SEMA4D: variants seen among roughly 807,000 people sequenced by gnomAD.
The protein encoded by SEMA4D is semaphorin 4D, also known as semaphorin-4D.
Under a neutral mutation model 74.8 loss-of-function variants are expected in SEMA4D, and 22 were observed. That is an observed-to-expected ratio of 0.29 (90% CI 0.21 to 0.42). The LOEUF (loss-of-function observed/expected upper bound fraction) is 0.42. Ranked by LOEUF, SEMA4D falls within the 10% of genes least tolerant of loss-of-function variation. SEMA4D has a pLI of 1.00. For synonymous variants in SEMA4D, 445 were observed against 463.7 expected (o/e 0.96, Z 0.52); for missense variants, 937 against 1,118.4 (o/e 0.84, Z 2.31).
intron 13 of SEMA4D, among the ~76,000 whole-genome samples, chr9:89,382,383 G>A (rs561694950): frequency 6.6e-6 from 1 of 152,338 alleles, no homozygotes; most frequent in South Asian, 2.1e-4. Flanking sequence ...GATGAAACAC[G>A]ACCTTCATCC....
At chr9:89,458,861 TACAC>T (rs59149867) in intron 1 of SEMA4D, among the ~76,000 whole-genome samples, 7,996 of 151,888 alleles carry the variant, frequency 0.053, 483 homozygotes, top group East Asian at 0.29. Flanking sequence ...TGGATACACA[TACAC>T]ACAAACACAT....
chr9:89,476,289 T>TA lies in SEMA4D; in HGVS notation c.-309-20337dup, dbSNP rs541216152. ...AGGGCCCACACTGGTTTATAAAACA[T>TA]AGCATGCCACGGGGCCCGTGCACTG... On this transcript the variant is annotated intron_variant, in intron 1 of 15. Transcript: ENST00000422704. 9.7e-4 allele frequency among the ~76,000 whole-genome samples: 147 copies of TA among 152,300 alleles called. 1 individual carries two copies. The highest frequency in any genetic ancestry group is 3.4e-3 in the African/African-American group (141 of 41,564).
At chr9:89,442,432 T>C (rs115720917) in intron 2 of SEMA4D, among the ~76,000 whole-genome samples, 301 of 151,214 alleles carry the variant, frequency 2.0e-3, no homozygotes, top group African/African-American at 7.1e-3. Flanking sequence ...TAAAATGCAG[T>C]GGAATAGAAA....
intron 1 of SEMA4D, among the ~76,000 whole-genome samples, chr9:89,486,597 G>C (rs1363345680): frequency 2.6e-5 from 4 of 152,104 alleles, no homozygotes; most frequent in African/African-American, 9.7e-5. Context: ...ATAATTAAAA[G>C]CCTCTCCATA....
At chr9:89,476,546 A>T (rs939860428) in intron 1 of SEMA4D, among the ~76,000 whole-genome samples, 8 of 152,328 alleles carry the variant, frequency 5.3e-5, no homozygotes, top group South Asian at 2.1e-4. Context: ...TCCCCCAAGG[A>T]GAAGAGCAGA....
chr9:89,450,876 G>A (rs1434190658), intron 2 of SEMA4D: 14 of 481,312 alleles, frequency 2.9e-5, no homozygotes, highest in African/African-American at 7.9e-5. Context: ...TGTCCCTGCC[G>A]CCACCCCAGT....
chr9:89,497,625 A>C (rs1285728546), intron 1 of SEMA4D, among the ~76,000 whole-genome samples: 2 of 151,584 alleles, frequency 1.3e-5, no homozygotes, highest in African/African-American at 4.8e-5. Context: ...CTGGGGAGGC[A>C]ACCGGGAAGG....
chr9:89,394,390 T>C (rs952636456), intron 6 of SEMA4D, among the ~76,000 whole-genome samples: 1 of 152,136 alleles, frequency 6.6e-6, no homozygotes, highest in African/African-American at 2.4e-5. Flanking sequence ...TCTCCATCCC[T>C]GAACATGTGA....
At position 89,379,437 on chromosome 9, in the gene SEMA4D, C is replaced by T; in HGVS notation, c.1856G>A (p.Ser619Asn). Residue 619 changes from serine (S) to asparagine (N), a missense_variant, in exon 16 of 16, where the codon AGT becomes AAT. Ser to Asn is a conservative substitution (Grantham distance 46). Coordinates refer to ENST00000422704, the MANE Select transcript of SEMA4D (RefSeq NM_001371194.2). ...LLIFNLSEGD[S>N]GVYQCLSEER... The stretch of plus-strand genomic sequence containing the variant: ...CTCTGACAGGCACTGGTACACCCCA[C>T]TGTCTCCTTCTGACAAGTTGAAGAT... 6.2e-7 allele frequency: 1 copy of T among 1,614,216 alleles called. No individual in the cohort carries two copies. Among genetic ancestry groups the T allele is most frequent in the Non-Finnish European group, 8.5e-7 (1 of 1,180,034 alleles).
At chr9:89,402,386 A>AC (rs1842401976) in intron 4 of SEMA4D, among the ~76,000 whole-genome samples, 2 of 152,214 alleles carry the variant, frequency 1.3e-5, no homozygotes, top group Admixed American at 1.3e-4. Context: ...CGTTTGAACC[A>AC]ACTAAACAAG....
intron 12 of SEMA4D, 100 bp from the exon 13 acceptor site, chr9:89,386,582 T>G: frequency 2.9e-6 from 2 of 697,270 alleles, no homozygotes; most frequent in Non-Finnish European, 5.1e-6. Context: ...TCTCAAGTCA[T>G]TCCCTCCACA....
Position 89,406,331 on chromosome 9 carries a change from A to G in SEMA4D, c.-243-632T>C, listed in dbSNP as rs1040431291. ...CCTGCTAGCTCTTCCAGTCTCACTT[A>G]AAGAAGTCTGTGCACCATAGAAATG... On this transcript the variant is annotated intron_variant, in intron 2 of 15. Coordinates refer to ENST00000422704, the MANE Select transcript of SEMA4D (RefSeq NM_001371194.2). Among the ~76,000 whole-genome samples, 3 of 152,182 alleles carry G rather than the reference A, an allele frequency of 2.0e-5. No homozygotes were observed. The South Asian group carries it at 6.2e-4, about 32-fold the overall frequency.
At chr9:89,493,838 G>C (rs937430276) in intron 1 of SEMA4D, among the ~76,000 whole-genome samples, 7 of 152,208 alleles carry the variant, frequency 4.6e-5, no homozygotes, top group Non-Finnish European at 1.0e-4. Context: ...ACAAGCCCCA[G>C]GTCCAGGTCA....
At chr9:89,387,673 C>T in intron 11 of SEMA4D, 65 bp from the exon 12 acceptor site, 1 of 1,436,880 alleles carries the variant, frequency 7.0e-7, no homozygotes, top group African/African-American at 1.4e-5. Flanking sequence ...TGCTTCCACA[C>T]AAGCAGCCAA....
At chr9:89,371,426 G>T (rs1487074380) in intron 16 of SEMA4D, among the ~76,000 whole-genome samples, 2 of 116,486 alleles carry the variant, frequency 1.7e-5, no homozygotes, top group Non-Finnish European at 3.7e-5. Flanking sequence ...TGTGTGTCTG[G>T]GGTGTGTGTG....
chr9:89,467,951 G>A (rs945458247), intron 1 of SEMA4D, among the ~76,000 whole-genome samples: 5 of 152,222 alleles, frequency 3.3e-5, no homozygotes, highest in African/African-American at 1.2e-4. Flanking sequence ...GGCTCTCCCA[G>A]GGCTGGAGGT....
chr9:89,393,073 C>A (rs1368201773), intron 7 of SEMA4D, among the ~76,000 whole-genome samples: 1 of 152,204 alleles, frequency 6.6e-6, no homozygotes, highest in Non-Finnish European at 1.5e-5. Context: ...GCTAGGACCA[C>A]AGGTGTGCTC....
At chr9:89,496,384 C>T (rs1157661846) in intron 1 of SEMA4D, among the ~76,000 whole-genome samples, 1 of 152,142 alleles carries the variant, frequency 6.6e-6, no homozygotes, top group Non-Finnish European at 1.5e-5. Flanking sequence ...CCACCGTCTA[C>T]CAACTCCTAA....
At position 89,377,339 on chromosome 9, in the gene SEMA4D, C is replaced by A. The variant is rs1835957008; in HGVS notation, c.*1365G>T. The stretch of plus-strand genomic sequence containing the variant: ...ATCTTATAAAACACAAATGTTTACA[C>A]CAAAATGGTCAAATCCTATCATGCT... On this transcript the variant is annotated 3_prime_UTR_variant, in exon 16 of 16. Transcript: ENST00000422704. 1 of 327,800 alleles carries A rather than the reference C, an allele frequency of 3.1e-6. No homozygotes were observed. The highest frequency in any genetic ancestry group is 5.5e-6 in the Non-Finnish European group (1 of 183,378). 20.3% of individuals were successfully genotyped at this position (327,800 alleles called of 1,614,324 possible).
Sources: allele counts gnomAD v4.1 joint callset (sites outside exome capture counted in the v4.1 genomes callset), GRCh38; gene constraint gnomAD v4.1.1; transcripts MANE v1.5; gene names NCBI Gene and HGNC (gene_info 2026-07-23, HGNC 2026-07-21).